ABCC9: variants seen among roughly 807,000 people sequenced by gnomAD.
ABCC9 encodes ATP binding cassette subfamily C member 9, also known as ATP-binding cassette sub-family C member 9.
A neutral mutation model predicts 188.3 loss-of-function variants in ABCC9; 95 were observed. The observed-to-expected ratio is 0.50, with a 90% CI of 0.43 to 0.60. The LOEUF (loss-of-function observed/expected upper bound fraction) is 0.60, where lower values mean the gene tolerates loss of function less well. ABCC9 is among the 20% of genes least tolerant of loss of function. The pLI, the probability that ABCC9 is intolerant of heterozygous loss-of-function variation, is 0.00. For synonymous variants in ABCC9, 659 were observed against 652.7 expected (o/e 1.01, Z -0.15); for missense variants, 1,102 against 1,876.3 (o/e 0.59, Z 7.62).
At chr12:21,826,438 AAC>A in intron 31 of ABCC9, among the ~76,000 whole-genome samples, 1 of 152,202 alleles carries the variant, frequency 6.6e-6, no homozygotes, top group East Asian at 1.9e-4. Flanking sequence ...TGCCCACAGA[AAC>A]ACAGTAGTAA....
At chr12:21,930,485 G>C (rs1949240065) in intron 4 of ABCC9, among the ~76,000 whole-genome samples, 1 of 152,068 alleles carries the variant, frequency 6.6e-6, no homozygotes, top group Admixed American at 6.6e-5. Flanking sequence ...TACCTGGGGA[G>C]GTCATGTTAT....
At chr12:21,882,190 G>C (rs936926594) in intron 16 of ABCC9, among the ~76,000 whole-genome samples, 1 of 152,088 alleles carries the variant, frequency 6.6e-6, no homozygotes, top group Admixed American at 6.5e-5. Flanking sequence ...CCCATGGATG[G>C]AGGCCTTTGA....
chr12:21,852,775 T>G (rs958452781), intron 22 of ABCC9, among the ~76,000 whole-genome samples: 2 of 150,594 alleles, frequency 1.3e-5, no homozygotes, highest in African/African-American at 2.4e-5. Context: ...TTAAAGAAAA[T>G]AAAATAAAAA....
intron 37 of ABCC9, among the ~76,000 whole-genome samples, chr12:21,809,491 A>G (rs530116651): frequency 2.0e-5 from 3 of 152,312 alleles, no homozygotes; most frequent in East Asian, 3.9e-4. Flanking sequence ...CAGCTCCTGC[A>G]ATCCTTCCAC....
intron 39 of ABCC9, among the ~76,000 whole-genome samples, chr12:21,802,313 T>C (rs1162550623): frequency 6.6e-6 from 1 of 152,206 alleles, no homozygotes; most frequent in Non-Finnish European, 1.5e-5. Flanking sequence ...TATTATTTTT[T>C]ATGTTTATAA....
intron 28 of ABCC9, 139 bp from the exon 29 acceptor site, chr12:21,842,610 T>G: frequency 1.2e-6 from 1 of 832,362 alleles, no homozygotes; most frequent in Non-Finnish European, 2.0e-6. Flanking sequence ...TCCTAAGCAA[T>G]TCTTCACTCA....
Position 21,872,628 on chromosome 12 carries a change from C to T in ABCC9, c.2195G>A (p.Ser732Asn), listed in dbSNP as rs1231572264. ...AGCCAACTAAAAATATACATACTTGCTCCAGTGAACTTTTCCTTCCAATGT... is the reference window on the plus strand; with the variant it reads ...AGCCAACTAAAAATATACATACTTGTTCCAGTGAACTTTTCCTTCCAATGT... Reference protein sequence around the residue: ...MQTLEGKVHWSNVNESEPSFE... With the variant: ...MQTLEGKVHWNNVNESEPSFE... The change falls in exon 18 of 40, where the codon AGC becomes AAC. Residue 732 changes from serine (S) to asparagine (N), a missense_variant. Physicochemically the swap from Ser to Asn is conservative, Grantham distance 46 (BLOSUM62 1). Around this residue, in one of 12 missense-constraint regions of ABCC9, gnomAD observed 258 missense variants for 325.6 expected, o/e 0.79. Coordinates refer to ENST00000261200, the MANE Select transcript of ABCC9 (RefSeq NM_020297.4). 1 of 1,611,308 alleles carries T rather than the reference C, an allele frequency of 6.2e-7. No homozygotes were observed. The highest frequency in any genetic ancestry group is 8.5e-7 in the Non-Finnish European group (1 of 1,177,556).
chr12:21,896,775 G>GT (rs1431876931), intron 12 of ABCC9, among the ~76,000 whole-genome samples: 1 of 152,196 alleles, frequency 6.6e-6, no homozygotes, highest in African/African-American at 2.4e-5. Flanking sequence ...TGGCTGCATA[G>GT]TATTCCATGG....
At chr12:21,801,255 T>C in intron 39 of ABCC9, 74 bp from the exon 40 acceptor site, 1 of 1,567,134 alleles carries the variant, frequency 6.4e-7, no homozygotes, top group Non-Finnish European at 8.7e-7. Flanking sequence ...TATGTATATT[T>C]CATGAATTAT....
At chr12:21,904,382 A>C (rs28775980) in intron 12 of ABCC9, among the ~76,000 whole-genome samples, 1 of 152,158 alleles carries the variant, frequency 6.6e-6, no homozygotes, top group Non-Finnish European at 1.5e-5. Flanking sequence ...GGACTTCATG[A>C]CTAAAACACC....
At chr12:21,838,243 A>G (rs1944204681) in intron 29 of ABCC9, 73 bp from the exon 30 acceptor site, 2 of 1,146,376 alleles carry the variant, frequency 1.7e-6, no homozygotes, top group African/African-American at 3.0e-5. Context: ...ATTCTTTAAG[A>G]GAAAGTTATT....
At chr12:21,824,960 G>T (rs1314142676) in intron 31 of ABCC9, among the ~76,000 whole-genome samples, 8 of 149,350 alleles carry the variant, frequency 5.4e-5, no homozygotes, top group African/African-American at 2.0e-4. Flanking sequence ...GATCTATTTT[G>T]TTGATCTTTT....
Position 21,814,652 on chromosome 12 carries a change from A to G in ABCC9, c.4094T>C (p.Ile1365Thr), listed in dbSNP as rs1328493674. Residue 1365 changes from isoleucine (I) to threonine (T), a missense_variant, in exon 35 of 40, where the codon ATA becomes ACA. Around this residue, in one of 12 missense-constraint regions of ABCC9, gnomAD observed 67 missense variants for 101.0 expected, o/e 0.66. Coordinates refer to ENST00000261200, the MANE Select transcript of ABCC9 (RefSeq NM_020297.4). ...LSLAFFRMVD[I>T]FDGKIVIDGI... ...TTTAGTTAGCAACTCACCATCAAATATATCAACCATTCTGAAGAAAGCCAG... is the reference window on the plus strand; with the variant it reads ...TTTAGTTAGCAACTCACCATCAAATGTATCAACCATTCTGAAGAAAGCCAG... 6 of 1,613,838 alleles carry G rather than the reference A, an allele frequency of 3.7e-6. No homozygotes were observed. The highest frequency in any genetic ancestry group is 5.1e-6 in the Non-Finnish European group (6 of 1,179,918).
At position 21,887,833 on chromosome 12, in the gene ABCC9, G is replaced by A; in HGVS notation, c.1904C>T (p.Thr635Ile). The part of the protein sequence containing the change: ...SLPFESCKKH[T>I]GVQPKTINRK... ...CAAAAATAAAGCACTTACAACTCCAGTGTGCTTCTTACAGGACTCAAAAGG... is the reference window on the plus strand; with the variant it reads ...CAAAAATAAAGCACTTACAACTCCAATGTGCTTCTTACAGGACTCAAAAGG... Residue 635 changes from threonine to isoleucine, a missense_variant, in exon 15 of 40, where the codon ACT (threonine) becomes ATT (isoleucine). Coordinates refer to ENST00000261200, the MANE Select transcript of ABCC9 (RefSeq NM_020297.4). The A allele has an allele frequency of 6.2e-7, 1 of 1,609,110 alleles. No individual in the cohort carries two copies. The highest frequency in any genetic ancestry group is 8.5e-7 in the Non-Finnish European group (1 of 1,175,578).
chr12:21,938,786 G>C (rs1949591382), intron 2 of ABCC9, among the ~76,000 whole-genome samples: 2 of 152,116 alleles, frequency 1.3e-5, no homozygotes, highest in African/African-American at 4.8e-5. Context: ...TGCTTGCCTG[G>C]TGTTTAATCA....
chr12:21,818,541 TG>T (rs1942823857), intron 31 of ABCC9, among the ~76,000 whole-genome samples: 1 of 147,310 alleles, frequency 6.8e-6, no homozygotes, highest in Admixed American at 6.9e-5. Context: ...TGTGTGTGTG[TG>T]TGTGTGTGTG....
chr12:21,860,629 G>A (rs1214011248), intron 21 of ABCC9, among the ~76,000 whole-genome samples: 1 of 152,094 alleles, frequency 6.6e-6, no homozygotes, highest in Middle Eastern at 3.2e-3. Flanking sequence ...AACAAGGTTG[G>A]GAGAAGCTAT....
In ABCC9 at chr12:21,800,898, T is replaced by C; in HGVS notation, c.*146A>G. 1 of 950,532 alleles carries C rather than the reference T, an allele frequency of 1.1e-6. No individual in the cohort carries two copies. Among genetic ancestry groups the C allele is most frequent in the Non-Finnish European group, 1.6e-6 (1 of 636,682 alleles). The allele number at this position is 950,532 out of a possible 1,614,324, so 58.9% of individuals were successfully genotyped here. On this transcript the variant is annotated 3_prime_UTR_variant, in exon 40 of 40. Transcript: ENST00000261200. ...GCAATAATATCTTGAAAAACTGTTT[T>C]AAAAACAGGAAAAATAAATGTCCAC...
intron 5 of ABCC9, chr12:21,923,440 AT>A (rs1948916634): frequency 6.1e-6 from 1 of 163,732 alleles, no homozygotes; most frequent in African/African-American, 2.4e-5. Context: ...CTACAACGCA[AT>A]AATAAAAGTG....
Sources: gnomAD v4.1 joint callset for allele counts (sites outside exome capture counted in the v4.1 genomes callset) on GRCh38, gnomAD v4.1.1 for gene constraint, gnomAD v4.1.1 regional missense constraint, MANE v1.5 for transcripts, NCBI Gene and HGNC (gene_info 2026-07-23, HGNC 2026-07-21) for gene names.